Variants in FAR2 observed in about 807,000 individuals in gnomAD.
FAR2 encodes epididymis secretory protein Li 81.
In FAR2, 19 loss-of-function variants were observed where a neutral mutation model predicts 56.0. The ratio of observed to expected loss-of-function variants is 0.34; its 90% CI spans 0.24 to 0.50. The LOEUF (loss-of-function observed/expected upper bound fraction) is 0.50, where lower values mean the gene tolerates loss of function less well. FAR2 is among the 20% of genes least tolerant of loss of function. The probability of loss-of-function intolerance (pLI) is 0.98; values close to 1 mark genes in which losing one functional copy is unlikely to be tolerated. For synonymous variants in FAR2, 219 were observed against 218.8 expected (o/e 1.00, Z -0.01); for missense variants, 508 against 642.2 (o/e 0.79, Z 2.26).
At position 29,207,260 on chromosome 12, in the gene FAR2, C is replaced by A. The variant is rs1403829959; in HGVS notation, c.-39+57853C>A. Among the ~76,000 whole-genome samples, 4 of 152,282 alleles carry A rather than the reference C, an allele frequency of 2.6e-5. No individual in the cohort carries two copies. In the East Asian group the frequency reaches 7.7e-4, roughly 29 times the overall value. Reference sequence around the variant, plus strand: ...TATTTCCTCACTTCCCACTCTGGCCCCCTGCTTAGAAACTTCGGTTTAACA... The same window carrying A: ...TATTTCCTCACTTCCCACTCTGGCCACCTGCTTAGAAACTTCGGTTTAACA... On this transcript the variant is annotated intron_variant, in intron 1 of 11. Coordinates refer to ENST00000536681, the MANE Select transcript of FAR2 (RefSeq NM_001271783.2).
chr12:29,237,553 T>C (rs1947960466), intron 1 of FAR2, among the ~76,000 whole-genome samples: 1 of 152,220 alleles, frequency 6.6e-6, no homozygotes, highest in Non-Finnish European at 1.5e-5. Flanking sequence ...TGCTGCTGCA[T>C]TCCTAAGTAG....
intron 4 of FAR2, among the ~76,000 whole-genome samples, chr12:29,298,535 G>T (rs1949108729): frequency 6.6e-6 from 1 of 152,178 alleles, no homozygotes; most frequent in African/African-American, 2.4e-5. Flanking sequence ...AAAGAAGAAT[G>T]AAAGTCATCT....
At position 29,270,575 on chromosome 12, in the gene FAR2, C is replaced by A. The variant is rs1255829281; in HGVS notation, c.126C>A (p.Ile42=). Residue 42 remains isoleucine, a synonymous_variant, in exon 2 of 12, where the codon ATC becomes ATA. Coordinates refer to ENST00000536681, the MANE Select transcript of FAR2 (RefSeq NM_001271783.2). ...GCCCAGACCTGAAAGTCATTTACAT[C>A]CTTGTGAGGCCCAAGGCTGGCCAGA... ...RTSPDLKVIY[I]LVRPKAGQTL... The A allele has an allele frequency of 2.5e-6, 4 of 1,613,992 alleles. No individual in the cohort carries two copies. The highest frequency in any genetic ancestry group is 3.4e-6 in the Non-Finnish European group (4 of 1,179,992).
chr12:29,168,365 G>A (rs879274331), intron 1 of FAR2, among the ~76,000 whole-genome samples: 1 of 152,208 alleles, frequency 6.6e-6, no homozygotes, highest in African/African-American at 2.4e-5. Context: ...TTCTGGGGAT[G>A]GAGAGCAGTG....
chr12:29,283,017 C>T (rs190161851), intron 2 of FAR2, among the ~76,000 whole-genome samples: 8 of 152,252 alleles, frequency 5.3e-5, no homozygotes, highest in Admixed American at 3.9e-4. Flanking sequence ...TAAGGTGTCA[C>T]TCCAAGACAA....
rs185066085 is a variant in FAR2, at chr12:29,258,304, G to A, written c.-38-12108G>A. ...CTGGAGGCAGAGATTGCAGTGAGCC[G>A]AGATCGCACCACTGCACTCCAGTCT... On this transcript the variant is annotated intron_variant, in intron 1 of 11. Transcript: ENST00000536681. Among the ~76,000 whole-genome samples, 218 of 152,106 alleles carry A rather than the reference G, an allele frequency of 1.4e-3. 2 individuals carry two copies. Among genetic ancestry groups the A allele is most frequent in the African/African-American group, 4.8e-3 (200 of 41,496 alleles).
intron 1 of FAR2, among the ~76,000 whole-genome samples, chr12:29,202,712 A>T (rs1268337878): frequency 6.6e-6 from 1 of 152,118 alleles, no homozygotes; most frequent in Admixed American, 6.6e-5. Context: ...AGAAGCCTGG[A>T]ACCTCCTTCC....
chr12:29,221,229 T>G (rs1291954798), intron 1 of FAR2, among the ~76,000 whole-genome samples: 2 of 152,234 alleles, frequency 1.3e-5, no homozygotes, highest in East Asian at 3.9e-4. Flanking sequence ...AATCACCAGT[T>G]TCAGGTTTTT....
chr12:29,293,519 C>A, intron 3 of FAR2, 44 bp downstream of exon 3: 3 of 1,305,530 alleles, frequency 2.3e-6, no homozygotes, highest in Non-Finnish European at 3.0e-6. Context: ...CATATGTGTG[C>A]ATGTAAATTT....
At chr12:29,253,038 C>T (rs1158291380) in intron 1 of FAR2, among the ~76,000 whole-genome samples, 5 of 151,968 alleles carry the variant, frequency 3.3e-5, no homozygotes, top group Non-Finnish European at 2.9e-5. Context: ...GAAATTATAC[C>T]AACAGATGTC....
rs138445989 is a variant in FAR2 at position 29,264,084 on chromosome 12, G to A, written c.-38-6328G>A. 3.4e-4 allele frequency among the ~76,000 whole-genome samples: 51 copies of A among 152,102 alleles called. No individual in the cohort carries two copies. In the East Asian group the frequency reaches 9.7e-3, roughly 29 times the overall value. ...GGCAAAAATCCCCAACAAAATACTA[G>A]CAAACTGAAATCAAGAACACATTAA... On this transcript the variant is annotated intron_variant, in intron 1 of 11. Transcript: ENST00000536681.
chr12:29,290,212 G>C (rs1948943504), intron 2 of FAR2, among the ~76,000 whole-genome samples: 1 of 152,138 alleles, frequency 6.6e-6, no homozygotes, highest in Admixed American at 6.6e-5. Context: ...TTGGGAGGCT[G>C]AGACGGGTGG....
At chr12:29,223,638 T>G (rs960036333) in intron 1 of FAR2, 5 of 152,174 alleles carry the variant, frequency 3.3e-5, no homozygotes, top group African/African-American at 1.2e-4. Flanking sequence ...ACAAAGATGA[T>G]TGCAGTTGTC....
chr12:29,319,730 C>T (rs937970803), intron 9 of FAR2, among the ~76,000 whole-genome samples: 3 of 152,200 alleles, frequency 2.0e-5, no homozygotes, highest in Non-Finnish European at 4.4e-5. Context: ...CTTCATCTCT[C>T]TAAATCCTAA....
chr12:29,276,136 T>C (rs186055918), intron 2 of FAR2, among the ~76,000 whole-genome samples: 2 of 152,336 alleles, frequency 1.3e-5, no homozygotes, highest in Admixed American at 6.5e-5. Flanking sequence ...GGTTTCTTTA[T>C]CTGTAAAATG....
intron 1 of FAR2, among the ~76,000 whole-genome samples, chr12:29,180,532 C>T (rs1591834892): frequency 6.6e-6 from 1 of 152,154 alleles, no homozygotes. Context: ...AAACCAACCT[C>T]TTAAACTAGT....
rs556473178 is a variant in FAR2, at chr12:29,321,377, T to C, written c.1128-418T>C. On this transcript the variant is annotated intron_variant, in intron 9 of 11. Transcript: ENST00000536681. ...CCTATCTACAAAATATACAAAAAAT[T>C]AGCTGGGCCCCACTGCGCTCCAGCC... Among the ~76,000 whole-genome samples, 46 of 152,094 alleles carry C rather than the reference T, an allele frequency of 3.0e-4. No homozygotes were observed. In the South Asian group the frequency reaches 4.8e-3, roughly 16 times the overall value.
rs751094042 is a variant in FAR2, at chr12:29,333,694, T to A, written c.1448T>A (p.Ile483Asn). Residue 483 changes from isoleucine (I) to asparagine (N), a missense_variant, in exon 12 of 12, where the codon ATT (isoleucine) becomes AAT (asparagine). By Grantham distance (149) the Ile-to-Asn change is moderately radical (BLOSUM62 -3). Coordinates refer to ENST00000536681, the MANE Select transcript of FAR2 (RefSeq NM_001271783.2). ...ALFLIAWRLL[I>N]ARSQMARNVW... ...TTCCTTATCGCCTGGCGCCTTCTCA[T>A]TGCAAGATCTCAGATGGCTCGGAAT... 6.2e-7 allele frequency: 1 copy of A among 1,613,888 alleles called. No homozygotes were observed. The highest frequency in any genetic ancestry group is 8.5e-7 in the Non-Finnish European group (1 of 1,179,756).
intron 1 of FAR2, among the ~76,000 whole-genome samples, chr12:29,205,405 G>C (rs531886119): frequency 2.0e-5 from 3 of 152,252 alleles, no homozygotes; most frequent in African/African-American, 7.2e-5. Flanking sequence ...CTTACCCTAC[G>C]TGTTCTGCTG....
Sources: allele counts gnomAD v4.1 joint callset (sites outside exome capture counted in the v4.1 genomes callset), GRCh38; gene constraint gnomAD v4.1.1; transcripts MANE v1.5; gene names NCBI Gene and HGNC (gene_info 2026-07-23, HGNC 2026-07-21).